AGPS: variants seen among roughly 807,000 people sequenced by gnomAD.
AGPS encodes alkyldihydroxyacetonephosphate synthase, peroxisomal.
Under a neutral mutation model 90.7 loss-of-function variants are expected in AGPS, and 26 were observed. That is an observed-to-expected ratio of 0.29 (90% CI 0.21 to 0.40). The LOEUF is 0.40. Among genes scored for constraint, AGPS ranks in the 10% least tolerant of loss-of-function variants. AGPS has a pLI of 1.00. For missense variants in AGPS, 540 were observed against 816.1 expected, an observed-to-expected ratio of 0.66 and a Z score of 4.12; for synonymous variants, 294 against 285.3, an observed-to-expected ratio of 1.03 and a Z score of -0.31.
At chr2:177,514,565 A>G (rs1174783496) in intron 17 of AGPS, among the ~76,000 whole-genome samples, 2 of 152,206 alleles carry the variant, frequency 1.3e-5, no homozygotes, top group African/African-American at 2.4e-5. Flanking sequence ...TCCTTATAGC[A>G]TGATAATTTG....
intron 8 of AGPS, among the ~76,000 whole-genome samples, chr2:177,454,552 G>T (rs922317751): frequency 6.7e-6 from 1 of 149,950 alleles, no homozygotes; most frequent in Non-Finnish European, 1.5e-5. Flanking sequence ...GTGTTTTCCC[G>T]CTTCTTTGTA....
At chr2:177,411,976 C>G (rs749823972) in intron 1 of AGPS, among the ~76,000 whole-genome samples, 2 of 151,972 alleles carry the variant, frequency 1.3e-5, no homozygotes, top group Non-Finnish European at 2.9e-5. Flanking sequence ...GGGGCCCTGG[C>G]AAGTTGGTGG....
In AGPS at chr2:177,540,751, A is replaced by C. The variant is rs1446836; in HGVS notation, c.*2556A>C. The stretch of plus-strand genomic sequence containing the variant: ...ACTTTCTTAAATTAGTCATAGTTGC[A>C]ATAATTTACTTAAATTTGGTAATGT... On this transcript the variant is annotated 3_prime_UTR_variant, in exon 20 of 20. Coordinates refer to ENST00000264167, the MANE Select transcript of AGPS (RefSeq NM_003659.4). 50 of 152,242 alleles carry C rather than the reference A, an allele frequency of 3.3e-4. No individual in the cohort carries two copies. The highest frequency in any genetic ancestry group is 1.1e-3 in the African/African-American group (45 of 41,572). The allele number at this position is 152,242 out of a possible 1,614,324, so 9.4% of individuals were successfully genotyped here. A position where few individuals can be genotyped will look rare whatever the true frequency, so the allele number is the denominator to read the frequency against.
intron 8 of AGPS, among the ~76,000 whole-genome samples, chr2:177,448,040 T>G (rs1157974720): frequency 6.6e-6 from 1 of 152,204 alleles, no homozygotes; most frequent in African/African-American, 2.4e-5. Context: ...AATCTTTGGC[T>G]ACTTTTATTG....
intron 3 of AGPS, among the ~76,000 whole-genome samples, chr2:177,435,756 A>G (rs1348621266): frequency 6.6e-6 from 1 of 152,206 alleles, no homozygotes; most frequent in Non-Finnish European, 1.5e-5. Context: ...ACTGTATGAT[A>G]GCTTCCCTCA....
At chr2:177,502,037 A>G (rs540933532) in intron 14 of AGPS, among the ~76,000 whole-genome samples, 2 of 152,314 alleles carry the variant, frequency 1.3e-5, no homozygotes, top group South Asian at 2.1e-4. Flanking sequence ...CCATTTACCA[A>G]TTAAAACTAT....
intron 14 of AGPS, among the ~76,000 whole-genome samples, chr2:177,500,692 T>G (rs1688540207): frequency 6.6e-6 from 1 of 152,142 alleles, no homozygotes; most frequent in African/African-American, 2.4e-5. Flanking sequence ...TTTTAAGTAT[T>G]GAAAATGTCT....
intron 2 of AGPS, among the ~76,000 whole-genome samples, chr2:177,427,336 A>G (rs1018796260): frequency 1.1e-4 from 17 of 151,760 alleles, no homozygotes; most frequent in Non-Finnish European, 2.1e-4. Context: ...AGGGTTTTTC[A>G]CATCTCTATC....
intron 9 of AGPS, 29 bp downstream of exon 9, chr2:177,462,047 AATTG>A (rs779447104): frequency 5.2e-4 from 804 of 1,535,004 alleles, no homozygotes; most frequent in Non-Finnish European, 6.7e-4. Flanking sequence ...ATTATGTAAT[AATTG>A]ATTAGTATAT....
chr2:177,463,016 AT>A (rs1264556270), intron 9 of AGPS, among the ~76,000 whole-genome samples: 2 of 152,042 alleles, frequency 1.3e-5, no homozygotes, highest in African/African-American at 4.8e-5. Flanking sequence ...TCCTTAGGAG[AT>A]TTTGCATTTT....
In AGPS at chr2:177,543,462, C is replaced by T. The variant is rs2079257907; in HGVS notation, c.*5267C>T. 1 of 152,204 alleles carries T rather than the reference C, an allele frequency of 6.6e-6. No individual in the cohort carries two copies. Among genetic ancestry groups the T allele is most frequent in the African/African-American group, 2.4e-5 (1 of 41,452 alleles). The allele number at this position is 152,204 out of a possible 1,614,324, so 9.4% of individuals were successfully genotyped here. A position where few individuals can be genotyped will look rare whatever the true frequency, so the allele number is the denominator to read the frequency against. ...GAATAATATCTTATCCTGAGTCTTC[C>T]TCCAAGGCAGTACATATTCCTGCCA... On this transcript the variant is annotated 3_prime_UTR_variant, in exon 20 of 20. Transcript: ENST00000264167.
intron 17 of AGPS, 64 bp downstream of exon 17, chr2:177,513,972 G>T (rs1033484242): frequency 4.8e-5 from 60 of 1,237,814 alleles, no homozygotes; most frequent in Admixed American, 8.7e-5. Flanking sequence ...TAATCAAGGG[G>T]GGGAATATAA....
intron 1 of AGPS, among the ~76,000 whole-genome samples, chr2:177,414,057 C>T (rs1442608189): frequency 1.3e-5 from 2 of 151,992 alleles, no homozygotes; most frequent in African/African-American, 4.8e-5. Flanking sequence ...CCTTCTTGCC[C>T]CCCGCCCCTT....
intron 3 of AGPS, among the ~76,000 whole-genome samples, chr2:177,434,997 G>GGGCATA (rs36151985): frequency 1.3e-4 from 17 of 128,130 alleles, no homozygotes; most frequent in African/African-American, 4.9e-4. Context: ...TAAACTGTAG[G>GGGCATA]TATATATATA....
At chr2:177,445,468 T>G in intron 7 of AGPS, 78 bp from the exon 8 acceptor site, 13 of 1,284,944 alleles carry the variant, frequency 1.0e-5, no homozygotes, top group Non-Finnish European at 1.5e-5. Flanking sequence ...CACTTGTTGC[T>G]TTGAATTAGG....
At chr2:177,445,466 G>T (rs1686742139) in intron 7 of AGPS, 80 bp from the exon 8 acceptor site, 1 of 1,247,116 alleles carries the variant, frequency 8.0e-7, no homozygotes, top group African/African-American at 1.5e-5. Flanking sequence ...ACCACTTGTT[G>T]CTTTGAATTA....
At chr2:177,443,579 G>T (rs1686676133) in intron 7 of AGPS, among the ~76,000 whole-genome samples, 1 of 152,222 alleles carries the variant, frequency 6.6e-6, no homozygotes, top group South Asian at 2.1e-4. Context: ...CCTCATAGAT[G>T]GTAATGTGCT....
intron 17 of AGPS, among the ~76,000 whole-genome samples, chr2:177,520,542 C>A (rs1381860835): frequency 6.6e-6 from 1 of 152,110 alleles, no homozygotes; most frequent in East Asian, 1.9e-4. Context: ...TGTGGCAGTA[C>A]AAAATGTAGT....
chr2:177,451,790 T>C (rs1686961029), intron 8 of AGPS, among the ~76,000 whole-genome samples: 1 of 152,196 alleles, frequency 6.6e-6, no homozygotes, highest in Non-Finnish European at 1.5e-5. Context: ...AAGTAATTTA[T>C]TTGAGTTCAG....
Sources: allele counts gnomAD v4.1 joint callset (sites outside exome capture counted in the v4.1 genomes callset), GRCh38; gene constraint gnomAD v4.1.1; transcripts MANE v1.5; gene names NCBI Gene and HGNC (gene_info 2026-07-23, HGNC 2026-07-21).